The following SLC1A1 variants were observed in gnomAD, a reference collection of about 807,000 sequenced individuals.
SLC1A1 encodes excitatory amino acid transporter 3.
Under a neutral mutation model 53.3 loss-of-function variants are expected in SLC1A1, and 43 were observed. The ratio of observed to expected loss-of-function variants is 0.81; its 90% CI spans 0.63 to 1.04. The LOEUF is 1.04. SLC1A1 is among the 50% of genes least tolerant of loss of function. The probability of loss-of-function intolerance (pLI) is 0.00; values close to 1 mark genes in which losing one functional copy is unlikely to be tolerated. For missense variants in SLC1A1, 748 were observed against 664.9 expected (o/e 1.12, Z -1.37); for synonymous variants, 307 against 243.2 (o/e 1.26, Z -2.44).
Position 4,583,020 on chromosome 9 carries a change from G to C in SLC1A1, c.1194-18G>C. 6.2e-7 allele frequency: 1 copy of C among 1,614,192 alleles called. No homozygotes were observed. The highest frequency in any genetic ancestry group is 8.5e-7 in the Non-Finnish European group (1 of 1,180,018). ...GAGGTAAGTGTCTAACTCCTTTCCT[G>C]CTGGTATGTTTCTGCAGTATCACGG... is the stretch of plus-strand genomic sequence containing the variant. On this transcript the variant is annotated intron_variant, in intron 10 of 11. Transcript: ENST00000262352. The surrounding 1 kb of genome is among the most constrained non-coding windows in gnomAD (Gnocchi z 4.6).
intron 9 of SLC1A1, 62 bp from the exon 10 acceptor site, chr9:4,576,495 ACAGGCATGTCTT>A: frequency 1.6e-6 from 2 of 1,234,968 alleles, no homozygotes; most frequent in South Asian, 2.4e-5. Flanking sequence ...TTTTTGGAAG[ACAGGCATGTCTT>A]CAGGCAGGGA....
intron 2 of SLC1A1, among the ~76,000 whole-genome samples, chr9:4,546,844 C>T (rs555349668): frequency 6.6e-6 from 1 of 152,146 alleles, no homozygotes; most frequent in African/African-American, 2.4e-5. Flanking sequence ...ACAATGCAAA[C>T]TTTGGACTTC....
At chr9:4,535,417 GACAA>G (rs1816637632) in intron 1 of SLC1A1, among the ~76,000 whole-genome samples, 1 of 152,096 alleles carries the variant, frequency 6.6e-6, no homozygotes, top group Non-Finnish European at 1.5e-5. Context: ...ACCAATAACA[GACAA>G]ACAGAGAGCC....
intron 1 of SLC1A1, among the ~76,000 whole-genome samples, chr9:4,494,022 T>G (rs1030234405): frequency 2.0e-5 from 3 of 152,256 alleles, no homozygotes; most frequent in Non-Finnish European, 4.4e-5. Context: ...GTGACCATCT[T>G]TTTAAATTTC....
intron 2 of SLC1A1, among the ~76,000 whole-genome samples, chr9:4,554,597 G>A (rs1446238384): frequency 6.6e-6 from 1 of 152,164 alleles, no homozygotes; most frequent in East Asian, 1.9e-4. Flanking sequence ...CCTTGGGGTG[G>A]GAAGGAGCTT....
chr9:4,516,813 A>G (rs944956664), intron 1 of SLC1A1, among the ~76,000 whole-genome samples: 1 of 152,186 alleles, frequency 6.6e-6, no homozygotes, highest in African/African-American at 2.4e-5. Context: ...ATGGAAGGGA[A>G]CTTAGGGTCA....
At chr9:4,529,202 C>T (rs536306626) in intron 1 of SLC1A1, among the ~76,000 whole-genome samples, 2 of 152,148 alleles carry the variant, frequency 1.3e-5, no homozygotes, top group Non-Finnish European at 2.9e-5. Context: ...AGTAAATCCT[C>T]CAGAGGCTTC....
rs570024621 is a variant in SLC1A1, at chr9:4,566,877, G to A, written c.483+788G>A. ...ACAGCTGAGTCCATCACAAACTGCT[G>A]TATTCATTCACATAAGTTACATGAA... On this transcript the variant is annotated intron_variant, in intron 5 of 11. Transcript: ENST00000262352. Among the ~76,000 whole-genome samples, 3 of 152,122 alleles carry A rather than the reference G, an allele frequency of 2.0e-5. No homozygotes were observed. In the South Asian group the frequency reaches 6.2e-4, roughly 32 times the overall value.
At chr9:4,576,520 AAGGTCC>A (rs1564062246) in intron 9 of SLC1A1, 43 bp from the exon 10 acceptor site, 1 of 1,479,868 alleles carries the variant, frequency 6.8e-7, no homozygotes, top group South Asian at 1.1e-5. Flanking sequence ...GGCAGGGACT[AAGGTCC>A]AGCATTTCTA....
At chr9:4,514,556 T>A (rs1441141130) in intron 1 of SLC1A1, among the ~76,000 whole-genome samples, 2 of 151,950 alleles carry the variant, frequency 1.3e-5, no homozygotes, top group African/African-American at 4.8e-5. Flanking sequence ...ACTGAAATGG[T>A]AATCAGATAA....
intron 2 of SLC1A1, among the ~76,000 whole-genome samples, chr9:4,548,224 C>T (rs1817644038): frequency 6.6e-6 from 1 of 152,150 alleles, no homozygotes; most frequent in Non-Finnish European, 1.5e-5. Flanking sequence ...CAGCTCCTTC[C>T]TCCAGACCCT....
chr9:4,499,147 C>T (rs910065929), intron 1 of SLC1A1, among the ~76,000 whole-genome samples: 1 of 150,744 alleles, frequency 6.6e-6, no homozygotes, highest in Admixed American at 6.6e-5. Flanking sequence ...CAGGTTCAAG[C>T]GATTCTTCTG....
At chr9:4,530,992 T>C (rs1816446798) in intron 1 of SLC1A1, among the ~76,000 whole-genome samples, 2 of 152,218 alleles carry the variant, frequency 1.3e-5, no homozygotes, top group Non-Finnish European at 2.9e-5. Flanking sequence ...GAGCATTTAA[T>C]AGTTGGCTGA....
intron 6 of SLC1A1, among the ~76,000 whole-genome samples, chr9:4,568,752 T>C (rs907458080): frequency 6.6e-6 from 1 of 151,164 alleles, no homozygotes; most frequent in South Asian, 2.1e-4. Context: ...TGGTCTCCAG[T>C]GTTCCTAAGC....
At chr9:4,542,054 G>T (rs1387339483) in intron 1 of SLC1A1, among the ~76,000 whole-genome samples, 1 of 152,028 alleles carries the variant, frequency 6.6e-6, no homozygotes, top group Non-Finnish European at 1.5e-5. Flanking sequence ...CCTAGGTGAG[G>T]TCATTCACTA....
Position 4,585,935 on chromosome 9 carries a change from T to C in SLC1A1, c.*377T>C. The C allele has an allele frequency of 5.2e-6, 1 of 191,072 alleles. No homozygotes were observed. Among genetic ancestry groups the C allele is most frequent in the Non-Finnish European group, 1.1e-5 (1 of 91,400 alleles). The allele number at this position is 191,072 out of a possible 1,614,324, so 11.8% of individuals were successfully genotyped here. ...TTTAAAAAAAATATTCTGTCATTGG[T>C]TACAAATTTTTACTCAGGCTTTCTA... On this transcript the variant is annotated 3_prime_UTR_variant, in exon 12 of 12. Coordinates refer to ENST00000262352, the MANE Select transcript of SLC1A1 (RefSeq NM_004170.6).
intron 2 of SLC1A1, among the ~76,000 whole-genome samples, chr9:4,552,211 C>A (rs754464809): frequency 7.2e-5 from 11 of 152,208 alleles, no homozygotes; most frequent in Non-Finnish European, 1.2e-4. Context: ...TTCATTCTAT[C>A]TTTAATGAGC....
intron 1 of SLC1A1, among the ~76,000 whole-genome samples, chr9:4,525,966 T>G (rs7860715): frequency 6.6e-6 from 1 of 152,212 alleles, no homozygotes; most frequent in Admixed American, 6.5e-5. Flanking sequence ...TCACAGGACA[T>G]CAACACAGAA....
intron 2 of SLC1A1, among the ~76,000 whole-genome samples, chr9:4,552,374 G>A (rs1379386077): frequency 6.6e-6 from 1 of 152,192 alleles, no homozygotes; most frequent in Non-Finnish European, 1.5e-5. Context: ...GAAATCAAGT[G>A]AAAGGAAGAG....
Sources: allele counts gnomAD v4.1 joint callset (sites outside exome capture counted in the v4.1 genomes callset), GRCh38; gene constraint gnomAD v4.1.1; non-coding constraint Gnocchi (gnomAD v3.1); transcripts MANE v1.5; gene names NCBI Gene and HGNC (gene_info 2026-07-23, HGNC 2026-07-21).